Variants in BCKDHB observed in about 807,000 individuals in gnomAD.
The protein encoded by BCKDHB is 2-oxoisovalerate dehydrogenase subunit beta, mitochondrial.
In BCKDHB, 41 loss-of-function variants were observed where a neutral mutation model predicts 48.5. The observed-to-expected ratio is 0.85, with a 90% CI of 0.66 to 1.10. The LOEUF is 1.10. Among genes scored for constraint, BCKDHB ranks in the 50% least tolerant of loss-of-function variants. The pLI is 0.00. For missense variants in BCKDHB, 496 were observed against 494.2 expected (o/e 1.00, Z -0.03); for synonymous variants, 201 against 174.8 (o/e 1.15, Z -1.18).
the BCKDHB span, among the ~76,000 whole-genome samples, chr6:80,377,957 C>T: frequency 8.3e-4 from 127 of 152,234 alleles, no homozygotes; most frequent in Middle Eastern, 3.4e-3. Context: ...TCTGTGAACA[C>T]GAGATATTTT....
intron 8 of BCKDHB, among the ~76,000 whole-genome samples, chr6:80,246,676 C>A (rs1380285413): frequency 1.3e-5 from 2 of 152,214 alleles, no homozygotes; most frequent in Non-Finnish European, 2.9e-5. Flanking sequence ...GTCTACCCAA[C>A]ACTGGCTTAC....
At chr6:80,173,582 T>C (rs1184151960) in intron 6 of BCKDHB, among the ~76,000 whole-genome samples, 4 of 152,264 alleles carry the variant, frequency 2.6e-5, no homozygotes, top group African/African-American at 9.6e-5. Flanking sequence ...AGAGCCCAGC[T>C]CTCTTTGTGT....
chr6:80,229,556 G>A (rs1775819935), intron 8 of BCKDHB, among the ~76,000 whole-genome samples: 2 of 152,070 alleles, frequency 1.3e-5, no homozygotes, highest in Non-Finnish European at 2.9e-5. Context: ...CTTATCATTA[G>A]TAATCAACAT....
rs374253889 is a variant in BCKDHB, at chr6:80,127,613, A to T, written c.263A>T (p.Asp88Val). The change falls in exon 2 of 10, where the codon GAT (aspartate) becomes GTT (valine). Residue 88 changes from aspartate to valine, a missense_variant. Transcript: ENST00000320393. ...TSALDNSLAK[D>V]PTAVIFGEDV... is the part of the protein sequence containing the mutation. ...GCCTTGGATAACTCATTGGCCAAAG[A>T]TCCTACTGCAGGTAACCCTGATATG... 7 of 1,612,844 alleles carry T rather than the reference A, an allele frequency of 4.3e-6. No homozygotes were observed. The highest frequency in any genetic ancestry group is 5.9e-6 in the Non-Finnish European group (7 of 1,178,968).
At chr6:80,427,346 G>A in the BCKDHB span, among the ~76,000 whole-genome samples, 1 of 152,010 alleles carries the variant, frequency 6.6e-6, no homozygotes, top group East Asian at 1.9e-4. Context: ...TATATATAGT[G>A]TAAGAATATT....
At chr6:80,253,522 T>C (rs1047219977) in intron 8 of BCKDHB, among the ~76,000 whole-genome samples, 13 of 152,154 alleles carry the variant, frequency 8.5e-5, no homozygotes, top group African/African-American at 2.9e-4. Context: ...TGGTACTCTT[T>C]GATTGACTCT....
intron 9 of BCKDHB, among the ~76,000 whole-genome samples, chr6:80,286,118 G>T (rs1052438495): frequency 4.6e-5 from 7 of 152,016 alleles, no homozygotes; most frequent in African/African-American, 1.7e-4. Context: ...TTTCTCCAAG[G>T]ATATCATAGC....
At chr6:80,232,787 A>G (rs1031564079) in intron 8 of BCKDHB, among the ~76,000 whole-genome samples, 15 of 151,064 alleles carry the variant, frequency 9.9e-5, no homozygotes, top group African/African-American at 2.9e-4. Context: ...TCTGTGTTAT[A>G]TATGTATGAG....
chr6:80,289,161 AT>A (rs1406907519), intron 9 of BCKDHB, among the ~76,000 whole-genome samples: 1 of 152,076 alleles, frequency 6.6e-6, no homozygotes, highest in Non-Finnish European at 1.5e-5. Context: ...AGTTCTTCTA[AT>A]TGTTCTTTTT....
chr6:80,288,380 G>T (rs906835333), intron 9 of BCKDHB, among the ~76,000 whole-genome samples: 2 of 151,886 alleles, frequency 1.3e-5, no homozygotes, highest in African/African-American at 4.8e-5. Flanking sequence ...ATTGTTAAAG[G>T]CCTGAAATTC....
chr6:80,114,636 AC>A (rs1309704379), intron 1 of BCKDHB, among the ~76,000 whole-genome samples: 1 of 152,138 alleles, frequency 6.6e-6, no homozygotes, highest in East Asian at 1.9e-4. Flanking sequence ...TTGTGAAGAT[AC>A]CTCACTGGTT....
the BCKDHB span, among the ~76,000 whole-genome samples, chr6:80,380,652 C>G: frequency 6.6e-6 from 1 of 151,882 alleles, no homozygotes; most frequent in African/African-American, 2.4e-5. Flanking sequence ...AGACAACCCA[C>G]AGAATGGGAG....
At chr6:80,230,682 G>A (rs1213575684) in intron 8 of BCKDHB, among the ~76,000 whole-genome samples, 1 of 152,128 alleles carries the variant, frequency 6.6e-6, no homozygotes, top group Non-Finnish European at 1.5e-5. Flanking sequence ...TATTTCTTAC[G>A]GTTCTGGAGG....
chr6:80,207,960 A>G (rs1774745371), intron 8 of BCKDHB, among the ~76,000 whole-genome samples: 1 of 151,880 alleles, frequency 6.6e-6, no homozygotes, highest in South Asian at 2.1e-4. Flanking sequence ...TTAATCAAGC[A>G]GACAAAATCT....
the BCKDHB span, among the ~76,000 whole-genome samples, chr6:80,445,960 GA>G: frequency 1.3e-5 from 2 of 152,158 alleles, no homozygotes; most frequent in Non-Finnish European, 2.9e-5. Context: ...CAAAGGTCTG[GA>G]AAATCAAATG....
At chr6:80,139,342 C>T (rs1484048072) in intron 3 of BCKDHB, among the ~76,000 whole-genome samples, 1 of 151,946 alleles carries the variant, frequency 6.6e-6, no homozygotes, top group Non-Finnish European at 1.5e-5. Flanking sequence ...CTTTTGTTGC[C>T]ATTGCTTTTG....
chr6:80,340,897 A>T (rs1769863116), intron 9 of BCKDHB, among the ~76,000 whole-genome samples: 1 of 152,190 alleles, frequency 6.6e-6, no homozygotes, highest in South Asian at 2.1e-4. Context: ...AGAGAAACAT[A>T]CTCACACATA....
intron 9 of BCKDHB, among the ~76,000 whole-genome samples, chr6:80,319,891 G>A (rs1306009651): frequency 6.6e-6 from 1 of 152,068 alleles, no homozygotes; most frequent in Non-Finnish European, 1.5e-5. Flanking sequence ...TTTAGGGATT[G>A]GTTTGTCAGC....
chr6:80,447,373 C>G, the BCKDHB span, among the ~76,000 whole-genome samples: 1 of 151,660 alleles, frequency 6.6e-6, no homozygotes, highest in East Asian at 1.9e-4. Flanking sequence ...GCAATAAATG[C>G]AATAATGCAT....
Sources: allele counts gnomAD v4.1 joint callset (sites outside exome capture counted in the v4.1 genomes callset), GRCh38; gene constraint gnomAD v4.1.1; transcripts MANE v1.5; gene names NCBI Gene and HGNC (gene_info 2026-07-23, HGNC 2026-07-21).